Variants in KALRN observed in about 807,000 individuals in gnomAD.
KALRN encodes kalirin.
KALRN carries 70 observed loss-of-function variants against 353.7 expected under a neutral mutation model. That is an observed-to-expected ratio of 0.20 (90% confidence interval 0.16 to 0.24). KALRN has a LOEUF of 0.24. Among genes scored for constraint, KALRN ranks in the 10% least tolerant of loss-of-function variants. The pLI, the probability that KALRN is intolerant of heterozygous loss-of-function variation, is 1.00. For synonymous variants in KALRN, 1,391 were observed against 1,434.8 expected (o/e 0.97, Z 0.69); for missense variants, 2,791 against 3,756.7 (o/e 0.74, Z 6.72).
intron 1 of KALRN, among the ~76,000 whole-genome samples, chr3:124,089,570 G>T (rs1049311534): frequency 1.3e-5 from 2 of 152,150 alleles, no homozygotes; most frequent in African/African-American, 4.8e-5. Flanking sequence ...AACAGAGGAG[G>T]TAACAGTGAA....
chr3:124,217,952 A>T (rs1351842277), intron 1 of KALRN, among the ~76,000 whole-genome samples: 1 of 152,154 alleles, frequency 6.6e-6, no homozygotes, highest in Non-Finnish European at 1.5e-5. Flanking sequence ...CATGGTGAGG[A>T]CACTGGAGCA....
intron 1 of KALRN, among the ~76,000 whole-genome samples, chr3:124,183,974 A>T (rs2073923068): frequency 6.6e-6 from 1 of 152,216 alleles, no homozygotes. Context: ...TGCCATAATC[A>T]CCATACATAT....
chr3:124,697,806 A>G, intron 55 of KALRN, 82 bp downstream of exon 55: 1 of 1,303,900 alleles, frequency 7.7e-7, no homozygotes. Context: ...CACACATAAT[A>G]AAATTTACCA....
chr3:124,309,844 T>C (rs967537618), intron 6 of KALRN, among the ~76,000 whole-genome samples: 1 of 152,200 alleles, frequency 6.6e-6, no homozygotes, highest in African/African-American at 2.4e-5. Context: ...AATAGTATAC[T>C]GGATACTTCC....
chr3:124,614,330 T>C (rs1175384805), intron 34 of KALRN, among the ~76,000 whole-genome samples: 2 of 151,746 alleles, frequency 1.3e-5, no homozygotes, highest in African/African-American at 4.8e-5. Context: ...GGGCAGTGGC[T>C]CGATCACGGC....
In KALRN at chr3:124,539,421, A is replaced by G. The variant is rs147288875; in HGVS notation, c.4936-23422A>G. On this transcript the variant is annotated intron_variant, in intron 33 of 59. Transcript: ENST00000682506. ...GCTTTAAAACATCGACCATTGTTCC[A>G]TTAGGAAGGATGAGCATGACAATAA... Among the ~76,000 whole-genome samples the G allele has an allele frequency of 2.4e-3, 362 of 152,296 alleles. 2 individuals carry two copies. Among genetic ancestry groups the G allele is most frequent in the African/African-American group, 7.7e-3 (322 of 41,568 alleles).
chr3:124,400,421 A>G (rs1022061508), intron 13 of KALRN, among the ~76,000 whole-genome samples: 5 of 152,232 alleles, frequency 3.3e-5, no homozygotes, highest in Admixed American at 3.3e-4. Context: ...GGAACAAAGG[A>G]GAAGTTAAGC....
At chr3:124,187,845 T>G (rs72974604) in intron 1 of KALRN, among the ~76,000 whole-genome samples, 3,321 of 152,274 alleles carry the variant, frequency 0.022, 110 homozygotes, top group African/African-American at 0.074. Context: ...ACTAAATGGC[T>G]TTGTTGAAGG....
chr3:124,147,609 G>A (rs1408436928), intron 1 of KALRN, among the ~76,000 whole-genome samples: 1 of 152,172 alleles, frequency 6.6e-6, no homozygotes, highest in African/African-American at 2.4e-5. Context: ...CCTTCATCCA[G>A]CATCCCCCAC....
At chr3:124,053,560 G>C (rs986737384) in intron 1 of KALRN, among the ~76,000 whole-genome samples, 2 of 152,122 alleles carry the variant, frequency 1.3e-5, no homozygotes, top group African/African-American at 4.8e-5. Context: ...GCTTTCTACT[G>C]TAAAAGGGTT....
At chr3:124,079,572 A>G (rs934770671) in intron 1 of KALRN, among the ~76,000 whole-genome samples, 2 of 152,206 alleles carry the variant, frequency 1.3e-5, no homozygotes, top group Admixed American at 1.3e-4. Flanking sequence ...TTTGGAATTG[A>G]TGAGACTACA....
chr3:124,390,697 T>C (rs917527935), intron 11 of KALRN, among the ~76,000 whole-genome samples: 3 of 152,188 alleles, frequency 2.0e-5, no homozygotes, highest in Admixed American at 2.0e-4. Context: ...GTTGATATCA[T>C]TATTGTTAAT....
intron 34 of KALRN, among the ~76,000 whole-genome samples, chr3:124,570,412 G>C (rs1358060822): frequency 2.6e-5 from 4 of 152,148 alleles, no homozygotes; most frequent in African/African-American, 9.7e-5. Flanking sequence ...TTGAGATTCA[G>C]AACTCACTTC....
intron 34 of KALRN, among the ~76,000 whole-genome samples, chr3:124,624,402 G>A (rs2079690969): frequency 6.6e-6 from 1 of 152,098 alleles, no homozygotes; most frequent in Non-Finnish European, 1.5e-5. Flanking sequence ...TTTATCATAG[G>A]TACACATGTA....
chr3:124,694,155 G>A (rs1376943151), intron 52 of KALRN, among the ~76,000 whole-genome samples, 177 bp from the exon 53 acceptor site: 14 of 152,044 alleles, frequency 9.2e-5, no homozygotes, highest in Admixed American at 8.5e-4. Context: ...ATAATAAACA[G>A]TTATCTCTTT....
intron 5 of KALRN, among the ~76,000 whole-genome samples, chr3:124,279,748 A>T (rs1388126911): frequency 1.3e-5 from 2 of 152,226 alleles, no homozygotes; most frequent in Non-Finnish European, 2.9e-5. Context: ...GGCAATTGGA[A>T]GATGAGCTAC....
intron 1 of KALRN, among the ~76,000 whole-genome samples, chr3:124,193,802 A>G (rs1355694066): frequency 3.3e-5 from 5 of 151,994 alleles, no homozygotes; most frequent in African/African-American, 9.7e-5. Context: ...GCAATTTTAC[A>G]TAGTTTGAGC....
intron 1 of KALRN, among the ~76,000 whole-genome samples, chr3:124,067,951 A>G (rs1326164868): frequency 1.3e-5 from 2 of 152,232 alleles, no homozygotes; most frequent in Admixed American, 6.5e-5. Context: ...TGTACTGCAC[A>G]TGTTTCCTGA....
chr3:124,247,453 T>TGTAATAATTGCCA (rs140570465), intron 3 of KALRN, among the ~76,000 whole-genome samples: 143,077 of 152,178 alleles, frequency 0.94, 67,901 homozygotes, highest in East Asian at 1. Context: ...TCACCTGCTA[T>TGTAATAATTGCCA]GTTGAAACTG....
Sources: gnomAD v4.1 joint callset for allele counts (sites outside exome capture counted in the v4.1 genomes callset) on GRCh38, gnomAD v4.1.1 for gene constraint, MANE v1.5 for transcripts, NCBI Gene and HGNC (gene_info 2026-07-23, HGNC 2026-07-21) for gene names.